NFIA: variants seen among roughly 807,000 people sequenced by gnomAD.
NFIA encodes nuclear factor 1 A-type.
Under a neutral mutation model 62.8 loss-of-function variants are expected in NFIA, and 8 were observed. The ratio of observed to expected loss-of-function variants is 0.13; its 90% CI spans 0.07 to 0.23. The LOEUF is 0.23. Among genes scored for constraint, NFIA ranks in the 10% least tolerant of loss-of-function variants. NFIA has a pLI of 1.00. For synonymous variants in NFIA, 235 were observed against 238.1 expected (o/e 0.99, Z 0.12); for missense variants, 410 against 642.1 (o/e 0.64, Z 3.91).
upstream of NFIA, chr1:61,081,982 C>G: frequency 6.4e-7 from 1 of 1,550,658 alleles, no homozygotes. Flanking sequence ...CGGTTCTCTA[C>G]GTGCCCACGC....
At chr1:61,119,418 A>G (rs1469638916) in intron 2 of NFIA, among the ~76,000 whole-genome samples, 2 of 152,234 alleles carry the variant, frequency 1.3e-5, no homozygotes, top group Non-Finnish European at 2.9e-5. Flanking sequence ...TGAACGTAAA[A>G]TTGTTTAGTA....
At chr1:61,334,585 A>G (rs181442284) in intron 4 of NFIA, among the ~76,000 whole-genome samples, 44,534 of 114,754 alleles carry the variant, frequency 0.39, 11,560 homozygotes, top group African/African-American at 0.52. Flanking sequence ...ATATATATAT[A>G]TATATATATA....
At chr1:61,236,580 A>G (rs1159987579) in intron 2 of NFIA, among the ~76,000 whole-genome samples, 1 of 152,154 alleles carries the variant, frequency 6.6e-6, no homozygotes, top group African/African-American at 2.4e-5. Context: ...CTTTGGCCTA[A>G]TAGTATTACT....
At chr1:61,227,458 G>A (rs973395426) in intron 2 of NFIA, among the ~76,000 whole-genome samples, 3 of 152,130 alleles carry the variant, frequency 2.0e-5, no homozygotes, top group Admixed American at 6.6e-5. Flanking sequence ...TAAAAGTCAC[G>A]ATAGAGAAAG....
At chr1:61,186,546 A>C (rs1487925654) in intron 2 of NFIA, among the ~76,000 whole-genome samples, 1 of 152,326 alleles carries the variant, frequency 6.6e-6, no homozygotes, top group African/African-American at 2.4e-5. Flanking sequence ...CCTACCATAC[A>C]TTGTGCCAAG....
chr1:61,381,433 G>T (rs1472403933), intron 6 of NFIA, among the ~76,000 whole-genome samples: 1 of 152,050 alleles, frequency 6.6e-6, no homozygotes, highest in Non-Finnish European at 1.5e-5. Flanking sequence ...TGGTGTGACT[G>T]GTTACTGATT....
intron 2 of NFIA, chr1:61,125,068 T>C (rs1646945363): frequency 6.6e-6 from 1 of 152,258 alleles, no homozygotes; most frequent in African/African-American, 2.4e-5. Flanking sequence ...TTGTTTAATG[T>C]TTAATTTTAT....
intron 2 of NFIA, among the ~76,000 whole-genome samples, chr1:61,190,851 G>C (rs1234944470): frequency 6.6e-6 from 1 of 152,124 alleles, no homozygotes; most frequent in Non-Finnish European, 1.5e-5. Flanking sequence ...CTCCATGGCA[G>C]TCTTTGTATC....
intron 3 of NFIA, among the ~76,000 whole-genome samples, chr1:61,296,273 C>A (rs1659185405): frequency 6.6e-6 from 1 of 152,192 alleles, no homozygotes; most frequent in Non-Finnish European, 1.5e-5. Context: ...TATTTGACTT[C>A]AGATTGACTC....
intron 2 of NFIA, among the ~76,000 whole-genome samples, chr1:61,260,649 C>G (rs926785795): frequency 2.0e-5 from 3 of 152,282 alleles, no homozygotes; most frequent in Middle Eastern, 3.4e-3. Flanking sequence ...GGCCTGATCT[C>G]GGCTCACTGC....
chr1:61,132,639 G>C (rs576662060), intron 2 of NFIA: 3 of 152,150 alleles, frequency 2.0e-5, no homozygotes, highest in Non-Finnish European at 4.4e-5. Flanking sequence ...CAATTAAGGA[G>C]AAAAGGGATG....
chr1:61,337,974 C>T (rs1034331028), intron 4 of NFIA, among the ~76,000 whole-genome samples: 1 of 152,076 alleles, frequency 6.6e-6, no homozygotes, highest in Admixed American at 6.6e-5. Flanking sequence ...GGAGTGACTT[C>T]GAAACCCTAA....
intron 2 of NFIA, among the ~76,000 whole-genome samples, chr1:61,215,982 T>C (rs1281975454): frequency 6.6e-6 from 1 of 152,200 alleles, no homozygotes; most frequent in East Asian, 1.9e-4. Flanking sequence ...GCCATGAACT[T>C]GATAATTCCC....
chr1:61,227,519 T>C (rs1311845322), intron 2 of NFIA, among the ~76,000 whole-genome samples: 1 of 152,220 alleles, frequency 6.6e-6, no homozygotes, highest in Non-Finnish European at 1.5e-5. Flanking sequence ...GTAAAAATTA[T>C]ATAATGCCTT....
At chr1:61,086,441 T>C (rs1646220089) in intron 1 of NFIA, among the ~76,000 whole-genome samples, 2 of 152,106 alleles carry the variant, frequency 1.3e-5, no homozygotes, top group South Asian at 4.1e-4. Context: ...ATGTTAATGG[T>C]TTATGGCAAG....
At chr1:61,197,677 C>T (rs751208553) in intron 2 of NFIA, among the ~76,000 whole-genome samples, 20 of 151,924 alleles carry the variant, frequency 1.3e-4, no homozygotes, top group Non-Finnish European at 2.9e-4. Context: ...GAGTCAAGGG[C>T]TTGCTTAGAA....
intron 2 of NFIA, among the ~76,000 whole-genome samples, chr1:61,179,346 G>A (rs1557617464): frequency 1.3e-5 from 2 of 152,214 alleles, no homozygotes; most frequent in Non-Finnish European, 2.9e-5. Flanking sequence ...AAGAAGGTAG[G>A]ATTTGGAATC....
chr1:61,410,130 A>G (rs769289205), intron 9 of NFIA, among the ~76,000 whole-genome samples: 1 of 152,168 alleles, frequency 6.6e-6, no homozygotes, highest in Non-Finnish European at 1.5e-5. Flanking sequence ...CAGTTTACAC[A>G]GGATGACACC....
intron 2 of NFIA, among the ~76,000 whole-genome samples, chr1:61,124,497 G>A (rs1646936616): frequency 6.6e-6 from 1 of 152,126 alleles, no homozygotes; most frequent in African/African-American, 2.4e-5. Flanking sequence ...ATTTTGACAT[G>A]CAAGAGGAGC....
Sources: gnomAD v4.1 joint callset for allele counts (sites outside exome capture counted in the v4.1 genomes callset) on GRCh38, gnomAD v4.1.1 for gene constraint, MANE v1.5 for transcripts, NCBI Gene and HGNC (gene_info 2026-07-23, HGNC 2026-07-21) for gene names.